TRHDE: variants seen among roughly 807,000 people sequenced by gnomAD.
TRHDE encodes thyrotropin releasing hormone degrading enzyme, also known as thyrotropin-releasing hormone-degrading ectoenzyme.
TRHDE carries 72 observed loss-of-function variants against 125.7 expected under a neutral mutation model. The ratio of observed to expected loss-of-function variants is 0.57; its 90% confidence interval spans 0.47 to 0.70. The LOEUF (loss-of-function observed/expected upper bound fraction) is 0.70. TRHDE is among the 30% of genes least tolerant of loss of function. The pLI is 0.00. For missense variants in TRHDE, 1,110 were observed against 1,327.1 expected (o/e 0.84, Z 2.54); for synonymous variants, 509 against 509.1 (o/e 1.00, Z 0.00).
chr12:72,121,591 T>C (rs779974824), intron 2 of TRHDE, among the ~76,000 whole-genome samples: 2 of 152,170 alleles, frequency 1.3e-5, no homozygotes, highest in South Asian at 2.1e-4. Context: ...CACTGCCAGA[T>C]GATAGGGGAG....
At position 72,665,962 on chromosome 12, in the gene TRHDE, A is replaced by G. The variant is rs1875100552; in HGVS notation, c.*2767A>G. On this transcript the variant is annotated 3_prime_UTR_variant, in exon 19 of 19. Coordinates refer to ENST00000261180, the MANE Select transcript of TRHDE (RefSeq NM_013381.3). ...ATACTAGGTCTATTCTTGAGTTTCA[A>G]TAACATGTATTTTAGTTGGGTCATA... 6.6e-6 allele frequency: 1 copy of G among 152,106 alleles called. No homozygotes were observed. The highest frequency in any genetic ancestry group is 1.5e-5 in the Non-Finnish European group (1 of 67,996). The allele number at this position is 152,106 out of a possible 1,614,324, so 9.4% of individuals were successfully genotyped here.
chr12:72,271,650 T>A (rs554400122), upstream of TRHDE, among the ~76,000 whole-genome samples: 1 of 152,214 alleles, frequency 6.6e-6, no homozygotes, highest in South Asian at 2.1e-4. Context: ...CTCCTTTGCC[T>A]TTCTCTGGGA....
intron 2 of TRHDE, among the ~76,000 whole-genome samples, chr12:72,347,507 C>T (rs1312260593): frequency 6.6e-6 from 1 of 152,030 alleles, no homozygotes; most frequent in Non-Finnish European, 1.5e-5. Flanking sequence ...GGTTATCTGG[C>T]TCTGTGTTTC....
At chr12:72,412,843 G>T (rs572356686) in intron 3 of TRHDE, among the ~76,000 whole-genome samples, 1 of 152,042 alleles carries the variant, frequency 6.6e-6, no homozygotes, top group Admixed American at 6.6e-5. Flanking sequence ...AGAACTAAAT[G>T]GTTGTATATA....
intron 2 of TRHDE, among the ~76,000 whole-genome samples, chr12:72,121,950 C>G (rs1290719120): frequency 1.3e-5 from 2 of 151,904 alleles, no homozygotes; most frequent in African/African-American, 4.8e-5. Flanking sequence ...GCCAGGCCAG[C>G]TCTCTGTGCC....
At chr12:72,504,449 G>A (rs867649011) in intron 6 of TRHDE, among the ~76,000 whole-genome samples, 7 of 151,930 alleles carry the variant, frequency 4.6e-5, no homozygotes, top group South Asian at 2.1e-4. Flanking sequence ...GACTATGGGT[G>A]CCCACCACCA....
intron 2 of TRHDE, among the ~76,000 whole-genome samples, chr12:72,311,399 AG>A (rs1868536337): frequency 1.3e-5 from 2 of 152,164 alleles, no homozygotes; most frequent in African/African-American, 4.8e-5. Flanking sequence ...AGCTGAGTAA[AG>A]ATGTTGCTAA....
chr12:72,435,713 T>C (rs926555237), intron 3 of TRHDE, among the ~76,000 whole-genome samples: 1 of 151,438 alleles, frequency 6.6e-6, no homozygotes, highest in African/African-American at 2.4e-5. Flanking sequence ...AAGTGGTTAA[T>C]AGGCATTTTT....
chr12:72,263,484 A>G (rs1878998953), intron 2 of TRHDE: 1 of 152,066 alleles, frequency 6.6e-6, no homozygotes, highest in South Asian at 2.1e-4. Flanking sequence ...TAAAGGTTAA[A>G]TGGAGGATTA....
intron 6 of TRHDE, among the ~76,000 whole-genome samples, chr12:72,504,563 A>G (rs1302001250): frequency 6.6e-6 from 1 of 152,174 alleles, no homozygotes; most frequent in Non-Finnish European, 1.5e-5. Context: ...CAGCCTCCCA[A>G]AGTGCTGGGA....
chr12:72,210,171 G>GATCTATCT (rs3086840), intron 2 of TRHDE, among the ~76,000 whole-genome samples: 71,681 of 146,246 alleles, frequency 0.49, 17,530 homozygotes, highest in East Asian at 0.6. Flanking sequence ...CTATAAGATT[G>GATCTATCT]ATCTATCTAT....
rs1336949041 is a variant in TRHDE, at chr12:72,575,399, G to A, written c.2265+11G>A. ...ATCCGGAATCATGAGGTACACTCCAGATTTGCTTATCAAAGATAATTTTTG... is the reference window on the plus strand; with the variant it reads ...ATCCGGAATCATGAGGTACACTCCAAATTTGCTTATCAAAGATAATTTTTG... On this transcript the variant is annotated intron_variant, in intron 11 of 18. Coordinates refer to ENST00000261180, the MANE Select transcript of TRHDE (RefSeq NM_013381.3). 1 of 1,613,526 alleles carries A rather than the reference G, an allele frequency of 6.2e-7. No homozygotes were observed. The highest frequency in any genetic ancestry group is 2.2e-5 in the East Asian group (1 of 44,846).
chr12:72,287,730 C>A (rs993751909), intron 2 of TRHDE, among the ~76,000 whole-genome samples: 1 of 152,078 alleles, frequency 6.6e-6, no homozygotes, highest in Non-Finnish European at 1.5e-5. Flanking sequence ...GCATTGTCTG[C>A]ATTAAATTTA....
In TRHDE at chr12:72,636,168, T is replaced by C. The variant is rs1873740223; in HGVS notation, c.2675+14417T>C. 3.3e-5 allele frequency among the ~76,000 whole-genome samples: 5 copies of C among 152,332 alleles called. No individual in the cohort carries two copies. In the South Asian group the frequency reaches 1.0e-3, roughly 32 times the overall value. The stretch of plus-strand genomic sequence containing the variant: ...TGTTCTTCCATGTGTTTGTATCCTC[T>C]TTTATTTCATTGAGCAGTGGTTTGT... On this transcript the variant is annotated intron_variant, in intron 15 of 18. Coordinates refer to ENST00000261180, the MANE Select transcript of TRHDE (RefSeq NM_013381.3).
At position 72,283,136 on chromosome 12, in the gene TRHDE, A is replaced by C. The variant is rs533141585; in HGVS notation, c.915-3545A>C. On this transcript the variant is annotated intron_variant, in intron 1 of 18. Coordinates refer to ENST00000261180, the MANE Select transcript of TRHDE (RefSeq NM_013381.3). The stretch of plus-strand genomic sequence containing the variant: ...TTTTATTAGCATAGAAACTCTTTGC[A>C]GGAAGGAAGCATATATATTTATCTT... 7.2e-5 allele frequency among the ~76,000 whole-genome samples: 11 copies of C among 152,344 alleles called. No individual in the cohort carries two copies. In the East Asian group the frequency reaches 2.1e-3, roughly 29 times the overall value.
intron 2 of TRHDE, among the ~76,000 whole-genome samples, chr12:72,350,475 A>G (rs1032889471): frequency 3.3e-5 from 5 of 152,046 alleles, no homozygotes; most frequent in African/African-American, 1.2e-4. Context: ...ACTGAGACTC[A>G]GGTAGGTTAA....
intron 15 of TRHDE, among the ~76,000 whole-genome samples, chr12:72,627,776 C>G (rs899785225): frequency 6.6e-6 from 1 of 151,610 alleles, no homozygotes. Flanking sequence ...AACTCCTAGG[C>G]TCAAGTAACA....
At position 72,367,902 on chromosome 12, in the gene TRHDE, A is replaced by G. The variant is rs552439911; in HGVS notation, c.1189-10093A>G. 8.5e-5 allele frequency among the ~76,000 whole-genome samples: 13 copies of G among 152,326 alleles called. No homozygotes were observed. In the South Asian group the frequency reaches 2.5e-3, roughly 29 times the overall value. On this transcript the variant is annotated intron_variant, in intron 2 of 18. Coordinates refer to ENST00000261180, the MANE Select transcript of TRHDE (RefSeq NM_013381.3). The stretch of plus-strand genomic sequence containing the variant: ...TACTCTTGCAGCATAAAATTTTCTC[A>G]GAGAATAGCTCTGGCAAGTCAGAAG...
intron 17 of TRHDE, among the ~76,000 whole-genome samples, chr12:72,656,010 G>T (rs1321234622): frequency 1.3e-5 from 2 of 152,216 alleles, no homozygotes; most frequent in African/African-American, 4.8e-5. Flanking sequence ...CTACAAGTTA[G>T]GGAAGCACTG....
Sources: gnomAD v4.1 joint callset for allele counts (sites outside exome capture counted in the v4.1 genomes callset) on GRCh38, gnomAD v4.1.1 for gene constraint, MANE v1.5 for transcripts, NCBI Gene and HGNC (gene_info 2026-07-23, HGNC 2026-07-21) for gene names.